Variants in ASAP2 observed in about 807,000 individuals in gnomAD.
The protein encoded by ASAP2 is ArfGAP with SH3 domain, ankyrin repeat and PH domain 2, also known as arf-GAP with SH3 domain, ANK repeat and PH domain-containing protein 2.
In ASAP2, 45 loss-of-function variants were observed where a neutral mutation model predicts 131.4. That is an observed-to-expected ratio of 0.34 (90% CI 0.27 to 0.44). The LOEUF (loss-of-function observed/expected upper bound fraction) is 0.44, where lower values mean the gene tolerates loss of function less well. Among genes scored for constraint, ASAP2 ranks in the 20% least tolerant of loss-of-function variants. The pLI is 1.00. For synonymous variants in ASAP2, 510 were observed against 503.0 expected, an observed-to-expected ratio of 1.01 and a Z score of -0.19; for missense variants, 1,011 against 1,297.0, an observed-to-expected ratio of 0.78 and a Z score of 3.39.
At chr2:9,381,508 G>GGGAT (rs1191397983) in intron 20 of ASAP2, among the ~76,000 whole-genome samples, 2 of 152,230 alleles carry the variant, frequency 1.3e-5, no homozygotes, top group African/African-American at 4.8e-5. Context: ...GCTAAGGCAG[G>GGGAT]GGATGATGGC....
intron 1 of ASAP2, among the ~76,000 whole-genome samples, chr2:9,260,531 A>T (rs925654783): frequency 3.3e-5 from 5 of 152,204 alleles, no homozygotes; most frequent in African/African-American, 1.2e-4. Flanking sequence ...GGGGCTGGCC[A>T]GGCTCTAAAA....
chr2:9,393,567 G>A lies in ASAP2; in HGVS notation c.2604G>A (p.Pro868=), dbSNP rs751716538. Residue 868 remains proline, a synonymous_variant, in exon 24 of 28, where the codon CCG becomes CCA. Transcript: ENST00000281419. ...EALSQPSKPA[P]PGISQIRPPP... is the part of the protein sequence containing the mutation. ...TGAGCCAGCCGAGCAAGCCTGCCCC[G>A]CCTGGGATCTCACAGATCAGGCCCC... is the stretch of plus-strand genomic sequence containing the variant. 9.9e-5 allele frequency: 158 copies of A among 1,592,988 alleles called. 1 individual carries two copies. The highest frequency in any genetic ancestry group is 9.2e-4 in the South Asian group (82 of 88,886).
At chr2:9,387,243 G>C (rs571349951) in intron 21 of ASAP2, among the ~76,000 whole-genome samples, 26 of 146,858 alleles carry the variant, frequency 1.8e-4, no homozygotes, top group East Asian at 1.2e-3. Flanking sequence ...TAACCTTCAG[G>C]GGGGAGCAGG....
rs573480530 is a variant in ASAP2 at position 9,267,858 on chromosome 2, A to G, written c.127-11459A>G. 2.1e-5 allele frequency among the ~76,000 whole-genome samples: 3 copies of G among 140,640 alleles called. No homozygotes were observed. In the East Asian group the frequency reaches 6.7e-4, roughly 32 times the overall value. The allele number at this position is 140,640 out of a possible 152,430, so 92.3% of individuals were successfully genotyped here. ...GGTTGTAGTGAGTCGAGAATGCACCACTGTACTCCAGCCTGAGCAACAGAG... is the reference window on the plus strand; with the variant it reads ...GGTTGTAGTGAGTCGAGAATGCACCGCTGTACTCCAGCCTGAGCAACAGAG... On this transcript the variant is annotated intron_variant, in intron 1 of 27. Coordinates refer to ENST00000281419, the MANE Select transcript of ASAP2 (RefSeq NM_003887.3).
intron 4 of ASAP2, among the ~76,000 whole-genome samples, chr2:9,318,875 A>C (rs558273316): frequency 1.7e-4 from 26 of 152,294 alleles, no homozygotes; most frequent in African/African-American, 6.0e-4. Context: ...AAAAGTAAAG[A>C]GTTTCGGTCT....
intron 3 of ASAP2, among the ~76,000 whole-genome samples, chr2:9,315,441 G>C (rs1178424189): frequency 6.6e-6 from 1 of 152,198 alleles, no homozygotes; most frequent in Non-Finnish European, 1.5e-5. Context: ...GTTGAGAAGC[G>C]TGCCGCACGG....
chr2:9,350,056 G>A (rs994696154), intron 11 of ASAP2, among the ~76,000 whole-genome samples: 3 of 152,162 alleles, frequency 2.0e-5, no homozygotes, highest in Non-Finnish European at 2.9e-5. Flanking sequence ...TCTGCTGTTC[G>A]AAATTTTTGT....
chr2:9,270,388 C>A (rs1444587298), intron 1 of ASAP2, among the ~76,000 whole-genome samples: 1 of 151,758 alleles, frequency 6.6e-6, no homozygotes, highest in African/African-American at 2.4e-5. Context: ...GAGACTCAAG[C>A]TTTGTTATTT....
At chr2:9,387,512 C>T (rs1183597616) in intron 21 of ASAP2, among the ~76,000 whole-genome samples, 1 of 152,140 alleles carries the variant, frequency 6.6e-6, no homozygotes, top group Non-Finnish European at 1.5e-5. Context: ...AGGAAAACAT[C>T]GATCTCTGCT....
intron 4 of ASAP2, among the ~76,000 whole-genome samples, chr2:9,319,207 C>T (rs962461140): frequency 4.6e-5 from 7 of 152,230 alleles, no homozygotes; most frequent in South Asian, 2.1e-4. Context: ...CCAGGCAGCG[C>T]GCTGCCCCTG....
chr2:9,368,615 A>C, intron 16 of ASAP2, 96 bp downstream of exon 16: 1 of 986,836 alleles, frequency 1.0e-6, no homozygotes, highest in Non-Finnish European at 1.6e-6. Context: ...GGGTGCATCC[A>C]TCGTTGCTTC....
At chr2:9,309,592 CAT>C (rs1669161578) in intron 3 of ASAP2, among the ~76,000 whole-genome samples, 1 of 152,134 alleles carries the variant, frequency 6.6e-6, no homozygotes, top group Non-Finnish European at 1.5e-5. Flanking sequence ...ATCCATGTGT[CAT>C]AGCATATCAA....
intron 20 of ASAP2, among the ~76,000 whole-genome samples, chr2:9,382,519 T>A (rs901871097): frequency 1.3e-5 from 2 of 152,224 alleles, no homozygotes; most frequent in Non-Finnish European, 2.9e-5. Context: ...TTGAGAGAAC[T>A]GAGAAAATAG....
intron 11 of ASAP2, chr2:9,350,409 A>G (rs2148628285): frequency 6.2e-6 from 1 of 162,062 alleles, no homozygotes; most frequent in African/African-American, 2.4e-5. Flanking sequence ...TTTTAAGATC[A>G]CCAGAAATTG....
intron 23 of ASAP2, among the ~76,000 whole-genome samples, chr2:9,393,184 G>A (rs1370446581): frequency 2.0e-5 from 3 of 152,186 alleles, no homozygotes; most frequent in African/African-American, 7.2e-5. Flanking sequence ...TGAGTGGAGA[G>A]CAGGAAACTG....
At chr2:9,375,036 C>T (rs993063666) in intron 17 of ASAP2, 92 bp downstream of exon 17, 2 of 1,151,218 alleles carry the variant, frequency 1.7e-6, no homozygotes, top group Admixed American at 3.1e-5. Context: ...TTCAGGAGGC[C>T]AAGGCGGAGG....
In ASAP2 at chr2:9,391,182, G is replaced by C. The variant is rs757456352; in HGVS notation, c.2504G>C (p.Arg835Pro). The part of the protein sequence containing the change: ...PAVHPPLPPL[R>P]VTSTNPLTPT... ...GTCCATCCACCGCTGCCCCCTCTTC[G>C]CGTGACATCTACCAGTACGTTTTTT... The change falls in exon 23 of 28, where the codon CGC becomes CCC. Residue 835 changes from arginine to proline, a missense_variant. By Grantham distance (103) the Arg-to-Pro change is moderately radical (BLOSUM62 -2). Coordinates refer to ENST00000281419, the MANE Select transcript of ASAP2 (RefSeq NM_003887.3). The C allele has an allele frequency of 6.2e-7, 1 of 1,613,690 alleles. No individual in the cohort carries two copies. Among genetic ancestry groups the C allele is most frequent in the Non-Finnish European group, 8.5e-7 (1 of 1,179,870 alleles).
intron 5 of ASAP2, among the ~76,000 whole-genome samples, chr2:9,321,667 G>C (rs1041814640): frequency 1.3e-5 from 2 of 152,156 alleles, no homozygotes; most frequent in Admixed American, 1.3e-4. Context: ...AAATGGTCCT[G>C]TGTGTGACTA....
rs58275721 is a variant in ASAP2 at position 9,352,212 on chromosome 2, A to AACACACACAC, written c.1111+1343_1111+1352dup. Among the ~76,000 whole-genome samples the AACACACACAC allele has an allele frequency of 8.4e-4, 126 of 150,080 alleles. 1 individual carries two copies. The highest frequency in any genetic ancestry group is 2.4e-3 in the African/African-American group (98 of 40,582). ...ACCCTAACTCTTTAAAACACACACA[A>AACACACACAC]ACACACACACACACACACACACACA... On this transcript the variant is annotated intron_variant, in intron 12 of 27. Coordinates refer to ENST00000281419, the MANE Select transcript of ASAP2 (RefSeq NM_003887.3).
Sources: gnomAD v4.1 joint callset for allele counts (sites outside exome capture counted in the v4.1 genomes callset) on GRCh38, gnomAD v4.1.1 for gene constraint, MANE v1.5 for transcripts, NCBI Gene and HGNC (gene_info 2026-07-23, HGNC 2026-07-21) for gene names.